Variants in RGS6 observed in about 807,000 individuals in gnomAD.
RGS6 encodes the protein regulator of G-protein signaling 6.
RGS6 carries 30 observed loss-of-function variants against 78.5 expected under a neutral mutation model. The observed-to-expected ratio is 0.38, with a 90% confidence interval of 0.29 to 0.52. The LOEUF (loss-of-function observed/expected upper bound fraction) is 0.52, where lower values mean the gene tolerates loss of function less well. Ranked by LOEUF, RGS6 falls within the 20% of genes least tolerant of loss-of-function variation. The pLI, the probability that RGS6 is intolerant of heterozygous loss-of-function variation, is 0.85. For missense variants in RGS6, 495 were observed against 609.7 expected (o/e 0.81, Z 1.98); for synonymous variants, 206 against 206.0 (o/e 1.00, Z 0.00).
intron 11 of RGS6, 46 bp from the exon 12 acceptor site, chr14:72,478,222 A>C: frequency 6.7e-7 from 1 of 1,483,742 alleles, no homozygotes; most frequent in South Asian, 1.2e-5. Context: ...AGGGGAAAAA[A>C]ATAATTTTAG....
rs140868771 is a variant in RGS6, at chr14:71,947,307, C to A, written c.-21+14366C>A. Among the ~76,000 whole-genome samples the A allele has an allele frequency of 7.5e-3, 1,143 of 152,292 alleles. 11 individuals carry two copies. Among genetic ancestry groups the A allele is most frequent in the Middle Eastern group, 0.027 (8 of 294 alleles). ...TCAGGAAGTCCTCAGATACCTCACC[C>A]CCATGCCTAGGGTATTTAGTGTCAT... On this transcript the variant is annotated intron_variant, in intron 1 of 17. Coordinates refer to ENST00000553525, the MANE Select transcript of RGS6 (RefSeq NM_001204424.2).
intron 2 of RGS6, among the ~76,000 whole-genome samples, chr14:72,056,753 A>G (rs935779508): frequency 2.2e-4 from 34 of 152,124 alleles, no homozygotes; most frequent in African/African-American, 8.2e-4. Flanking sequence ...AATCATGTTC[A>G]TATTGTACTG....
chr14:72,367,557 C>T (rs2082675128), intron 3 of RGS6, among the ~76,000 whole-genome samples: 1 of 152,170 alleles, frequency 6.6e-6, no homozygotes, highest in Admixed American at 6.5e-5. Context: ...AAATTATGCC[C>T]ACCTAGCTCT....
At chr14:71,958,452 G>T (rs955914781) in intron 1 of RGS6, among the ~76,000 whole-genome samples, 1 of 152,156 alleles carries the variant, frequency 6.6e-6, no homozygotes, top group African/African-American at 2.4e-5. Flanking sequence ...TCAGCAGGCC[G>T]GGCTGAGAAC....
At chr14:71,871,583 C>A in the RGS6 span, among the ~76,000 whole-genome samples, 1 of 152,230 alleles carries the variant, frequency 6.6e-6, no homozygotes, top group East Asian at 1.9e-4. Flanking sequence ...AAACCAGCCT[C>A]TATTCCTGAC....
intron 3 of RGS6, among the ~76,000 whole-genome samples, chr14:72,392,187 AAT>A (rs59588686): frequency 2.0e-4 from 30 of 149,096 alleles, no homozygotes; most frequent in Admixed American, 2.7e-4. Context: ...TACATACACA[AAT>A]ATATATATAT....
the RGS6 span, among the ~76,000 whole-genome samples, chr14:71,910,607 A>G: frequency 2.6e-5 from 4 of 152,154 alleles, no homozygotes; most frequent in Admixed American, 2.6e-4. Context: ...ATGAGGGTTG[A>G]GGAGAAATTA....
chr14:71,897,515 T>C, the RGS6 span, among the ~76,000 whole-genome samples: 1 of 152,074 alleles, frequency 6.6e-6, no homozygotes, highest in Non-Finnish European at 1.5e-5. Flanking sequence ...TTTTTTATTT[T>C]ATTTTATTTT....
chr14:72,094,432 T>G (rs2095355155), intron 2 of RGS6, among the ~76,000 whole-genome samples: 1 of 152,238 alleles, frequency 6.6e-6, no homozygotes, highest in African/African-American at 2.4e-5. Context: ...CCCACTTTTC[T>G]TTTCAGAGAC....
At chr14:72,312,149 G>C (rs2068775870) in intron 2 of RGS6, among the ~76,000 whole-genome samples, 1 of 152,062 alleles carries the variant, frequency 6.6e-6, no homozygotes, top group African/African-American at 2.4e-5. Context: ...GTTTCTGCAG[G>C]GGAATGTGTA....
chr14:72,136,864 C>A (rs767761764), intron 2 of RGS6, among the ~76,000 whole-genome samples: 5 of 152,158 alleles, frequency 3.3e-5, no homozygotes, highest in Non-Finnish European at 7.3e-5. Flanking sequence ...ATGGTACAAA[C>A]ACTCAGTTAC....
the RGS6 span, among the ~76,000 whole-genome samples, chr14:72,590,589 G>A: frequency 6.6e-6 from 1 of 152,234 alleles, no homozygotes; most frequent in African/African-American, 2.4e-5. Flanking sequence ...GTCACCTGGG[G>A]CTAGGTGAAG....
intron 3 of RGS6, among the ~76,000 whole-genome samples, chr14:72,388,230 G>A (rs1037308950): frequency 4.0e-5 from 6 of 151,802 alleles, no homozygotes; most frequent in African/African-American, 1.5e-4. Flanking sequence ...ATACATATGG[G>A]AAAACACACA....
chr14:71,976,756 T>C (rs1207703218), intron 2 of RGS6, among the ~76,000 whole-genome samples: 4 of 151,918 alleles, frequency 2.6e-5, no homozygotes, highest in Admixed American at 2.6e-4. Flanking sequence ...GCATGATTTA[T>C]AGTCCTTTGG....
At chr14:72,219,302 G>A (rs377213401) in intron 2 of RGS6, among the ~76,000 whole-genome samples, 4 of 152,092 alleles carry the variant, frequency 2.6e-5, no homozygotes, top group East Asian at 3.9e-4. Context: ...AAATACATTT[G>A]AGAGTGTAGG....
At chr14:72,588,160 C>T in the RGS6 span, among the ~76,000 whole-genome samples, 584 of 152,240 alleles carry the variant, frequency 3.8e-3, 9 homozygotes, top group African/African-American at 0.014. Flanking sequence ...GACGAGCTCT[C>T]ATCTGGAAGC....
intron 2 of RGS6, among the ~76,000 whole-genome samples, chr14:72,090,942 G>A (rs976002029): frequency 2.0e-5 from 3 of 152,178 alleles, no homozygotes; most frequent in Admixed American, 1.3e-4. Context: ...ATCTGGGACT[G>A]AAGTCTTGCT....
At chr14:72,445,900 A>T (rs2095352364) in intron 3 of RGS6, among the ~76,000 whole-genome samples, 1 of 152,178 alleles carries the variant, frequency 6.6e-6, no homozygotes, top group Admixed American at 6.5e-5. Flanking sequence ...GTCATTGCAG[A>T]TGTAATTAGT....
At chr14:72,084,604 A>G (rs568684239) in intron 2 of RGS6, among the ~76,000 whole-genome samples, 2 of 152,300 alleles carry the variant, frequency 1.3e-5, no homozygotes, top group South Asian at 4.1e-4. Context: ...TTCTCCCTTC[A>G]GGAGAACTCA....
Sources: allele counts gnomAD v4.1 joint callset (sites outside exome capture counted in the v4.1 genomes callset), GRCh38; gene constraint gnomAD v4.1.1; transcripts MANE v1.5; gene names NCBI Gene and HGNC (gene_info 2026-07-23, HGNC 2026-07-21).